Variants in HPS5 observed in about 807,000 individuals in gnomAD.
HPS5 encodes the protein HPS5 biogenesis of lysosomal organelles complex 2 subunit 2.
In HPS5, 83 loss-of-function variants were observed where a neutral mutation model predicts 128.0. The ratio of observed to expected loss-of-function variants is 0.65; its 90% CI spans 0.54 to 0.78. HPS5 has a LOEUF of 0.78. HPS5 is among the 30% of genes least tolerant of loss of function. The probability of loss-of-function intolerance (pLI) is 0.00; values close to 1 mark genes in which losing one functional copy is unlikely to be tolerated. For synonymous variants in HPS5, 475 were observed against 470.2 expected, an observed-to-expected ratio of 1.01 and a Z score of -0.13; for missense variants, 1,281 against 1,326.2, an observed-to-expected ratio of 0.97 and a Z score of 0.53.
chr11:18,306,824 C>T (rs1862425179), intron 6 of HPS5, among the ~76,000 whole-genome samples: 1 of 152,194 alleles, frequency 6.6e-6, no homozygotes, highest in Non-Finnish European at 1.5e-5. Context: ...AACCCAGGTC[C>T]TTCTGAAACT....
At chr11:18,289,102 T>C (rs1329057647) in intron 16 of HPS5, among the ~76,000 whole-genome samples, 1 of 152,178 alleles carries the variant, frequency 6.6e-6, no homozygotes, top group East Asian at 1.9e-4. Flanking sequence ...AAAAGCTGTT[T>C]CCCATAATTA....
intron 20 of HPS5, among the ~76,000 whole-genome samples, chr11:18,284,154 A>T (rs1231976398): frequency 6.6e-6 from 1 of 151,064 alleles, no homozygotes; most frequent in African/African-American, 2.4e-5. Flanking sequence ...CTATTAGATG[A>T]CCCTGATCTA....
At position 18,300,812 on chromosome 11, in the gene HPS5, A is replaced by G; in HGVS notation, c.985+16T>C. ...ATAAGCATGAGATTAAAAATTACAA[A>G]GAAAAATATAATTACCTTTGACTTC... On this transcript the variant is annotated intron_variant, in intron 9 of 22. Coordinates refer to ENST00000349215, the MANE Select transcript of HPS5 (RefSeq NM_181507.2). 7.5e-7 allele frequency: 1 copy of G among 1,324,686 alleles called. No individual in the cohort carries two copies. The highest frequency in any genetic ancestry group is 1.4e-5 in the African/African-American group (1 of 69,382). 82.1% of individuals were successfully genotyped at this position (1,324,686 alleles called of 1,614,324 possible). A position where few individuals can be genotyped will look rare whatever the true frequency, so the allele number is the denominator to read the frequency against.
chr11:18,289,602 T>C (rs182571207), intron 16 of HPS5, among the ~76,000 whole-genome samples: 1 of 152,358 alleles, frequency 6.6e-6, no homozygotes, highest in African/African-American at 2.4e-5. Context: ...TATTATGCTT[T>C]TAACTGCTAT....
At chr11:18,300,994 A>G in intron 8 of HPS5, 78 bp from the exon 9 acceptor site, 1 of 826,926 alleles carries the variant, frequency 1.2e-6, no homozygotes, top group East Asian at 2.5e-5. Context: ...AGATCCTTGC[A>G]TTAGCTATTA....
chr11:18,314,407 T>C lies in HPS5; in HGVS notation c.109-2383A>G, dbSNP rs138643292. 6 of 152,470 alleles carry C rather than the reference T, an allele frequency of 3.9e-5. No individual in the cohort carries two copies. In the East Asian group the frequency reaches 1.2e-3, roughly 29 times the overall value. 9.4% of individuals were successfully genotyped at this position (152,470 alleles called of 1,614,324 possible). On this transcript the variant is annotated intron_variant, in intron 2 of 22. Transcript: ENST00000349215. ...AGCCAGGCATGATGGTACACACCTG[T>C]AATCCTAGCCTCTCTGGTGGCTGAG...
chr11:18,300,896 C>A lies in HPS5; in HGVS notation c.917G>T (p.Trp306Leu). The A allele has an allele frequency of 6.3e-7, 1 of 1,599,188 alleles. No homozygotes were observed. The highest frequency in any genetic ancestry group is 1.1e-5 in the South Asian group (1 of 90,708). Reference sequence around the variant, plus strand: ...GAAAATATAAATTCCTCTTTCTGTCCAAGTCAGCACACAATGCTCACTGCA... The same window carrying A: ...GAAAATATAAATTCCTCTTTCTGTCAAAGTCAGCACACAATGCTCACTGCA... ...LHLSEHCVLT[W>L]TERGIYIFIP... The change falls in exon 9 of 23, where the codon TGG becomes TTG. Residue 306 changes from tryptophan to leucine, a missense_variant. Coordinates refer to ENST00000349215, the MANE Select transcript of HPS5 (RefSeq NM_181507.2).
rs1321179926 is a variant in HPS5, at chr11:18,311,919, G to A, written c.214C>T (p.His72Tyr). Residue 72 changes from histidine (H) to tyrosine (Y), a missense_variant, in exon 3 of 23, where the codon CAC becomes TAC. Transcript: ENST00000349215. ...AGAGCTGCCCTTAATCTTACCCTGT[G>A]TGAAAGAAAAAGCCTGTGCTTCCAG... ...EGWKHRLFLS[H>Y]REGAISQVAC... is the part of the protein sequence containing the mutation. 2.5e-6 allele frequency: 4 copies of A among 1,607,064 alleles called. No individual in the cohort carries two copies. Among genetic ancestry groups the A allele is most frequent in the East Asian group, 2.2e-5 (1 of 44,860 alleles).
intron 20 of HPS5, 115 bp from the exon 21 acceptor site, chr11:18,284,016 A>C: frequency 2.8e-6 from 2 of 708,048 alleles, no homozygotes; most frequent in Middle Eastern, 4.9e-4. Context: ...AAATTAATTA[A>C]AAGTAAATAA....
chr11:18,309,129 C>T (rs764584390), intron 5 of HPS5, 50 bp from the exon 6 acceptor site: 3 of 1,526,362 alleles, frequency 2.0e-6, no homozygotes, highest in East Asian at 4.6e-5. Flanking sequence ...ATAACATACA[C>T]ATGCAATCTC....
At chr11:18,283,612 A>G (rs1047515585) in intron 21 of HPS5, among the ~76,000 whole-genome samples, 183 bp downstream of exon 21, 3 of 152,174 alleles carry the variant, frequency 2.0e-5, no homozygotes, top group Non-Finnish European at 4.4e-5. Context: ...GTGATTTCAT[A>G]ACATATCAAG....
intron 5 of HPS5, among the ~76,000 whole-genome samples, chr11:18,310,446 T>C (rs1445644233): frequency 6.6e-6 from 1 of 152,226 alleles, no homozygotes; most frequent in Non-Finnish European, 1.5e-5. Context: ...TCTTTCTTAA[T>C]AGCCTTATAC....
intron 1 of HPS5, among the ~76,000 whole-genome samples, chr11:18,318,943 C>G (rs573471964): frequency 6.7e-6 from 1 of 148,772 alleles, no homozygotes; most frequent in African/African-American, 2.5e-5. Context: ...AGTGGCAAAA[C>G]GAAGACTATA....
rs781068928 is a variant in HPS5, at chr11:18,297,626, TC to T, written c.1255del (p.Glu419AsnfsTer2). ...CAAAGGTTCAAATTTTAAGATCAAT[TC>T]TTCCAGTTGAGAAATTAGATCATTG... ...TYNDLISQLE[E>X]LILKFEPLDS... On this transcript the variant is annotated frameshift_variant, in exon 11 of 23. Coordinates refer to ENST00000349215, the MANE Select transcript of HPS5 (RefSeq NM_181507.2). LOFTEE classifies it high-confidence loss of function. 1.9e-6 allele frequency: 3 copies of T among 1,613,882 alleles called. No homozygotes were observed. In the East Asian group the frequency reaches 6.7e-5, roughly 36 times the overall value.
Position 18,291,790 on chromosome 11 carries a change from T to G in HPS5, c.2092A>C (p.Asn698His). The G allele has an allele frequency of 1.9e-6, 3 of 1,613,994 alleles. No individual in the cohort carries two copies. Among genetic ancestry groups the G allele is most frequent in the Non-Finnish European group, 1.7e-6 (2 of 1,179,896 alleles). Residue 698 changes from asparagine to histidine, a missense_variant, in exon 16 of 23, where the codon AAT becomes CAT. By Grantham distance (68) the Asn-to-His change is moderately conservative (BLOSUM62 1). Transcript: ENST00000349215. ...GCTGTTTTATCAACAGATTCTTCAT[T>G]GCCTAAAGAGTCCCTTTTTTCTTTT... is the stretch of plus-strand genomic sequence containing the variant. ...NEKEKRDSLG[N>H]EESVDKTACE...
chr11:18,316,557 A>C (rs1056813860), intron 2 of HPS5, among the ~76,000 whole-genome samples: 1 of 152,250 alleles, frequency 6.6e-6, no homozygotes, highest in Non-Finnish European at 1.5e-5. Context: ...ATTAGAATTC[A>C]AAAGATAGCT....
chr11:18,307,117 G>T (rs905041249), intron 6 of HPS5, among the ~76,000 whole-genome samples: 12 of 152,158 alleles, frequency 7.9e-5, no homozygotes, highest in African/African-American at 2.9e-4. Flanking sequence ...TATTTAAACA[G>T]CAGATCATGA....
chr11:18,307,524 TA>T (rs2134444821), intron 6 of HPS5, among the ~76,000 whole-genome samples: 1 of 152,312 alleles, frequency 6.6e-6, no homozygotes, highest in East Asian at 1.9e-4. Context: ...AGGAACATAA[TA>T]AATGTTTGCT....
At chr11:18,281,339 C>T (rs1351735288) in intron 22 of HPS5, among the ~76,000 whole-genome samples, 1 of 151,596 alleles carries the variant, frequency 6.6e-6, no homozygotes, top group Non-Finnish European at 1.5e-5. Context: ...GGTTATCCAC[C>T]TGCCTCAGCC....
Sources: allele counts gnomAD v4.1 joint callset (sites outside exome capture counted in the v4.1 genomes callset), GRCh38; gene constraint gnomAD v4.1.1; transcripts MANE v1.5; gene names NCBI Gene and HGNC (gene_info 2026-07-23, HGNC 2026-07-21).